The following CLCN5 variants were observed in gnomAD, a reference collection of about 807,000 sequenced individuals.
CLCN5 encodes H(+)/Cl(-) exchange transporter 5.
CLCN5 carries 17 observed loss-of-function variants against 54.0 expected under a neutral mutation model. That is an observed-to-expected ratio of 0.31 (90% confidence interval 0.22 to 0.47). CLCN5 has a LOEUF of 0.47. CLCN5 is among the 20% of genes least tolerant of loss of function. CLCN5 has a pLI of 1.00. For missense variants in CLCN5, 448 were observed against 646.7 expected, an observed-to-expected ratio of 0.69 and a Z score of 3.33; for synonymous variants, 222 against 233.0, an observed-to-expected ratio of 0.95 and a Z score of 0.43.
intron 7 of CLCN5, 48 bp downstream of exon 7, chrX:50,076,030 T>G (rs781960827): frequency 9.2e-7 from 1 of 1,092,391 alleles, no homozygotes; most frequent in African/African-American, 1.8e-5. Flanking sequence ...CTTCTTACAT[T>G]TATTTTATTT....
intron 3 of CLCN5, among the ~76,000 whole-genome samples, chrX:49,996,786 CATT>C (rs1248272007): frequency 1.8e-5 from 2 of 111,959 alleles, no homozygotes; most frequent in African/African-American, 3.2e-5. Context: ...TAGTCCACCT[CATT>C]ATTATTATTG....
chrX:50,010,025 G>A (rs1602046629), intron 3 of CLCN5, among the ~76,000 whole-genome samples: 1 of 111,041 alleles, frequency 9.0e-6, no homozygotes, highest in African/African-American at 3.3e-5. Flanking sequence ...ACCACTCATT[G>A]CCCCTGCATA....
intron 9 of CLCN5, among the ~76,000 whole-genome samples, chrX:50,085,284 C>A (rs1008701719): frequency 2.7e-5 from 3 of 111,945 alleles, no homozygotes; most frequent in Admixed American, 9.4e-5. Flanking sequence ...CATGTACACA[C>A]ACACCTACAC....
intron 4 of CLCN5, among the ~76,000 whole-genome samples, chrX:50,058,561 A>G (rs1932803327): frequency 9.0e-6 from 1 of 111,426 alleles, no homozygotes; most frequent in Non-Finnish European, 1.9e-5. Context: ...TCATTCAAGC[A>G]GTGTGTTTCT....
chrX:50,002,879 A>G (rs1482817174), intron 3 of CLCN5, among the ~76,000 whole-genome samples: 4 of 111,533 alleles, frequency 3.6e-5, no homozygotes, highest in African/African-American at 1.3e-4. Flanking sequence ...CACCTCATGG[A>G]TATTTTATGA....
intron 4 of CLCN5, chrX:50,067,540 C>T: frequency 1.8e-5 from 13 of 730,277 alleles, no homozygotes; most frequent in Non-Finnish European, 2.1e-5. Flanking sequence ...GGTCTGGTCA[C>T]GTGACTCCAA....
chrX:50,077,482 T>C (rs782247029), intron 7 of CLCN5, among the ~76,000 whole-genome samples: 1 of 107,874 alleles, frequency 9.3e-6, no homozygotes, highest in East Asian at 2.9e-4. Flanking sequence ...ATCTTTCAGC[T>C]CTGCTCCCGG....
At chrX:49,955,041 T>G (rs1156860070) in intron 3 of CLCN5, among the ~76,000 whole-genome samples, 1 of 110,912 alleles carries the variant, frequency 9.0e-6, no homozygotes, top group African/African-American at 3.3e-5. Flanking sequence ...TGGGTTTAAC[T>G]CTGGGATCTG....
intron 3 of CLCN5, among the ~76,000 whole-genome samples, chrX:50,037,939 A>T (rs7053986): frequency 0.15 from 16,846 of 111,081 alleles, 3,158 homozygotes; most frequent in African/African-American, 0.53. Flanking sequence ...AGCACCCAGA[A>T]CATGTCTTTT....
At chrX:50,067,493 C>T (rs782156048) in intron 4 of CLCN5, 132 of 471,341 alleles carry the variant, frequency 2.8e-4, no homozygotes, top group Non-Finnish European at 3.0e-4. Context: ...CTTCTGTGCC[C>T]GGTTAAAAAT....
At chrX:50,055,260 G>T (rs1374645863) in intron 4 of CLCN5, among the ~76,000 whole-genome samples, 1 of 111,722 alleles carries the variant, frequency 9.0e-6, no homozygotes, top group African/African-American at 3.3e-5. Flanking sequence ...TCGCTAAAAT[G>T]ATACAGTATG....
At chrX:50,067,712 C>A (rs1352455175) in intron 4 of CLCN5, 1 of 751,969 alleles carries the variant, frequency 1.3e-6, no homozygotes, top group Non-Finnish European at 1.6e-6. Context: ...TGCGGGCTGC[C>A]AAGGTTATTT....
At position 49,929,769 on chromosome X, in the gene CLCN5, T is replaced by C. The variant is rs1274109785; in HGVS notation, c.16+4455T>C. ...TGTTTTGGAACTGCTGCAATAAATA[T>C]AGGTTTTTTGTTTTTTTTTTTTTTG... On this transcript the variant is annotated intron_variant, in intron 3 of 14. Transcript: ENST00000376091. Among the ~76,000 whole-genome samples, 6 of 102,957 alleles carry C rather than the reference T, an allele frequency of 5.8e-5. No homozygotes were observed. In the East Asian group the frequency reaches 8.9e-4, roughly 15 times the overall value. 89.4% of individuals were successfully genotyped at this position (102,957 alleles called of 115,157 possible). A position where few individuals can be genotyped will look rare whatever the true frequency, so the allele number is the denominator to read the frequency against.
chrX:50,003,306 C>T (rs782185222), intron 3 of CLCN5: 5 of 345,925 alleles, frequency 1.4e-5, no homozygotes, highest in Non-Finnish European at 2.9e-5. Context: ...TAGACCCTCT[C>T]TTACGTGCTC....
Position 50,086,328 on chromosome X carries a change from G to A in CLCN5, c.1015G>A (p.Val339Ile), listed in dbSNP as rs781834071. 1 of 1,206,160 alleles carries A rather than the reference G, an allele frequency of 8.3e-7. No homozygotes were observed. The highest frequency in any genetic ancestry group is 3.0e-5 in the East Asian group (1 of 33,666). Residue 339 changes from valine to isoleucine, a missense_variant and splice_region_variant, in exon 11 of 15, where the codon GTC (valine) becomes ATC (isoleucine). Transcript: ENST00000376091. ...IGGVLFSLEEVSYYFPLKTLW... is the reference protein window; with the variant it reads ...IGGVLFSLEEISYYFPLKTLW... ...TGCTTTCTCACCTTCTTTCTTCTAG[G>A]TCAGCTACTATTTTCCCCTCAAAAC...
At chrX:50,009,306 A>C in intron 3 of CLCN5, among the ~76,000 whole-genome samples, 1 of 112,077 alleles carries the variant, frequency 8.9e-6, no homozygotes, top group Non-Finnish European at 1.9e-5. Context: ...ACATTGGGTG[A>C]TGAGACTTGC....
Position 50,086,564 on chromosome X carries a change from A to G in CLCN5, c.1251A>G (p.Arg417=), listed in dbSNP as rs782591993. 22 of 1,208,758 alleles carry G rather than the reference A, an allele frequency of 1.8e-5. No homozygotes were observed. Among genetic ancestry groups the G allele is most frequent in the Non-Finnish European group, 2.3e-5 (21 of 895,027 alleles). ...IRTNIAWCRK[R]KTTQLGKYPV... is the part of the protein sequence containing the mutation. ...CAAACATTGCCTGGTGTCGGAAGCG[A>G]AAGACCACCCAGTTGGGCAAGTATC... Residue 417 remains arginine (R), a synonymous_variant, in exon 11 of 15, where the codon CGA becomes CGG. Coordinates refer to ENST00000376091, the MANE Select transcript of CLCN5 (RefSeq NM_001127898.4).
intron 4 of CLCN5, among the ~76,000 whole-genome samples, chrX:50,069,279 T>A (rs1403713308): frequency 8.9e-6 from 1 of 111,761 alleles, no homozygotes; most frequent in Non-Finnish European, 1.9e-5. Flanking sequence ...CATACACTGT[T>A]CTTTAAATCT....
chrX:50,060,186 A>G (rs1384053306), intron 4 of CLCN5, among the ~76,000 whole-genome samples: 3 of 110,365 alleles, frequency 2.7e-5, no homozygotes, highest in African/African-American at 9.9e-5. Context: ...GCTCCGGTCT[A>G]CAGCTCCCAG....
Sources: allele counts gnomAD v4.1 joint callset (sites outside exome capture counted in the v4.1 genomes callset), GRCh38; gene constraint gnomAD v4.1.1; transcripts MANE v1.5; gene names NCBI Gene and HGNC (gene_info 2026-07-23, HGNC 2026-07-21).